PPP2CA: variants seen among roughly 807,000 people sequenced by gnomAD.
PPP2CA encodes the protein protein phosphatase 2 catalytic subunit alpha.
PPP2CA carries 5 observed loss-of-function variants against 38.8 expected under a neutral mutation model. The ratio of observed to expected loss-of-function variants is 0.13; its 90% CI spans 0.07 to 0.27. The LOEUF is 0.27. PPP2CA is among the 10% of genes least tolerant of loss of function. The pLI is 1.00. For synonymous variants in PPP2CA, 152 were observed against 134.0 expected (o/e 1.13, Z -0.93); for missense variants, 88 against 389.7 (o/e 0.23, Z 6.52).
chr5:134,214,704 G>T (rs959846317), intron 1 of PPP2CA, among the ~76,000 whole-genome samples: 1 of 152,154 alleles, frequency 6.6e-6, no homozygotes, highest in Non-Finnish European at 1.5e-5. Context: ...AGAGCTAGAT[G>T]ATGTTCTGAA....
intron 6 of PPP2CA, among the ~76,000 whole-genome samples, chr5:134,198,255 T>C (rs1761896379): frequency 6.6e-6 from 1 of 151,080 alleles, no homozygotes; most frequent in African/African-American, 2.4e-5. Flanking sequence ...TAGCCGGGCG[T>C]GGTGGCAGAC....
intron 1 of PPP2CA, among the ~76,000 whole-genome samples, chr5:134,222,216 T>C (rs1356422898): frequency 6.6e-6 from 1 of 152,118 alleles, no homozygotes. Flanking sequence ...CAATATCTTA[T>C]AAAAGTATGA....
chr5:134,195,240 T>C lies in PPP2CA; in HGVS notation c.*2532A>G, dbSNP rs527252937. ...TTTCAAAATTTCTGCAAGCCCTCAC[T>C]ATACAAACTCAGAATCCTCTTTATT... On this transcript the variant is annotated 3_prime_UTR_variant, in exon 7 of 7. Transcript: ENST00000481195. 2 of 152,332 alleles carry C rather than the reference T, an allele frequency of 1.3e-5. No homozygotes were observed. Among genetic ancestry groups the C allele is most frequent in the East Asian group, 3.9e-4 (2 of 5,190 alleles). The allele number at this position is 152,332 out of a possible 1,614,324, so 9.4% of individuals were successfully genotyped here.
At chr5:134,201,365 GAA>G (rs1198020207) in intron 3 of PPP2CA, among the ~76,000 whole-genome samples, 1 of 152,190 alleles carries the variant, frequency 6.6e-6, no homozygotes, top group African/African-American at 2.4e-5. Flanking sequence ...AGCCCACTCT[GAA>G]CTATTGAGTA....
chr5:134,197,765 AAT>A lies in PPP2CA; in HGVS notation c.*5_*6del, dbSNP rs761339885. On this transcript the variant is annotated 3_prime_UTR_variant, in exon 7 of 7. Transcript: ENST00000481195. ...TCATGGCAATACTGTACAAGTTTAA[AAT>A]TTCATTACAGGAAGTAGTCTGGGGT... is the stretch of plus-strand genomic sequence containing the variant. 246 of 1,612,022 alleles carry A rather than the reference AAT, an allele frequency of 1.5e-4. 1 individual carries two copies. The Middle Eastern group carries it at 3.5e-3, about 23-fold the overall frequency.
rs369077426 is a variant in PPP2CA at position 134,197,738 on chromosome 5, G to A, written c.*34C>T. On this transcript the variant is annotated 3_prime_UTR_variant, in exon 7 of 7. Transcript: ENST00000481195. ...CCCATTTCCATTAGGTCGATATATGGTTCATGGCAATACTGTACAAGTTTA... is the reference window on the plus strand; with the variant it reads ...CCCATTTCCATTAGGTCGATATATGATTCATGGCAATACTGTACAAGTTTA... The A allele has an allele frequency of 8.3e-5, 127 of 1,530,538 alleles. No homozygotes were observed. Among genetic ancestry groups the A allele is most frequent in the Admixed American group, 2.0e-4 (12 of 59,736 alleles). The allele number at this position is 1,530,538 out of a possible 1,614,324, so 94.8% of individuals were successfully genotyped here.
At chr5:134,209,944 G>A (rs755247627) in intron 1 of PPP2CA, among the ~76,000 whole-genome samples, 5 of 151,994 alleles carry the variant, frequency 3.3e-5, no homozygotes, top group Non-Finnish European at 5.9e-5. Flanking sequence ...CATCTGTGGT[G>A]GCACACACCT....
At position 134,195,882 on chromosome 5, in the gene PPP2CA, C is replaced by G. The variant is rs1290202243; in HGVS notation, c.*1890G>C. 2.0e-5 allele frequency: 3 copies of G among 152,144 alleles called. No homozygotes were observed. In the East Asian group the frequency reaches 5.8e-4, roughly 29 times the overall value. The allele number at this position is 152,144 out of a possible 1,614,324, so 9.4% of individuals were successfully genotyped here. On this transcript the variant is annotated 3_prime_UTR_variant, in exon 7 of 7. Coordinates refer to ENST00000481195, the MANE Select transcript of PPP2CA (RefSeq NM_002715.4). ...AGAATTTGTACCTGGAAGATACCAC[C>G]ACGTGTCAATTACAATATACGTATT...
intron 1 of PPP2CA, among the ~76,000 whole-genome samples, chr5:134,209,950 C>T (rs1461604408): frequency 6.6e-6 from 1 of 152,010 alleles, no homozygotes; most frequent in African/African-American, 2.4e-5. Context: ...TGGTGGCACA[C>T]ACCTGCAGTT....
intron 3 of PPP2CA, 140 bp downstream of exon 3, chr5:134,201,708 T>G (rs1761970222): frequency 2.1e-6 from 2 of 973,956 alleles, no homozygotes; most frequent in Non-Finnish European, 3.0e-6. Flanking sequence ...AAATTTTTTT[T>G]AAGTTTGAAT....
At chr5:134,200,930 C>T (rs1761956186) in intron 4 of PPP2CA, 55 bp downstream of exon 4, 2 of 1,390,082 alleles carry the variant, frequency 1.4e-6, no homozygotes, top group African/African-American at 1.4e-5. Context: ...TACAATTAAA[C>T]TTCTCCACTC....
intron 1 of PPP2CA, among the ~76,000 whole-genome samples, chr5:134,213,812 A>T (rs752287243): frequency 4.6e-5 from 7 of 152,126 alleles, no homozygotes; most frequent in Non-Finnish European, 1.0e-4. Context: ...GATTACAACC[A>T]TGTCACAATT....
chr5:134,205,213 T>C (rs917887802), intron 2 of PPP2CA, among the ~76,000 whole-genome samples: 3 of 151,850 alleles, frequency 2.0e-5, no homozygotes, highest in Middle Eastern at 3.2e-3. Context: ...GCTGGGATTA[T>C]AGCCACGAGC....
chr5:134,202,747 A>G (rs995776935), intron 2 of PPP2CA, among the ~76,000 whole-genome samples: 11 of 152,244 alleles, frequency 7.2e-5, no homozygotes, highest in African/African-American at 2.7e-4. Context: ...GAAGATTCCT[A>G]AGAATATAAT....
chr5:134,210,889 A>C (rs1361440369), intron 1 of PPP2CA, among the ~76,000 whole-genome samples: 3 of 152,224 alleles, frequency 2.0e-5, no homozygotes, highest in Non-Finnish European at 2.9e-5. Flanking sequence ...AAATTCAGTC[A>C]AATGGTATAG....
intron 1 of PPP2CA, among the ~76,000 whole-genome samples, chr5:134,216,943 T>C (rs1247850441): frequency 1.3e-5 from 2 of 152,210 alleles, no homozygotes; most frequent in African/African-American, 4.8e-5. Flanking sequence ...AATAGTACTA[T>C]TTGACAAAGG....
At position 134,194,766 on chromosome 5, in the gene PPP2CA, C is replaced by T. The variant is rs1761810261; in HGVS notation, c.*3006G>A. On this transcript the variant is annotated 3_prime_UTR_variant, in exon 7 of 7. Coordinates refer to ENST00000481195, the MANE Select transcript of PPP2CA (RefSeq NM_002715.4). ...CTGGGATTACAGGCTCCTGCCACCA[C>T]ACCGGTCAGTTTTGTATTTTTAATA... 1.3e-5 allele frequency: 2 copies of T among 152,312 alleles called. No homozygotes were observed. The highest frequency in any genetic ancestry group is 2.1e-4 in the South Asian group (1 of 4,836). 9.4% of individuals were successfully genotyped at this position (152,312 alleles called of 1,614,324 possible). A position where few individuals can be genotyped will look rare whatever the true frequency, so the allele number is the denominator to read the frequency against.
intron 1 of PPP2CA, among the ~76,000 whole-genome samples, chr5:134,221,923 G>C (rs1368374320): frequency 6.7e-6 from 1 of 148,936 alleles, no homozygotes; most frequent in African/African-American, 2.5e-5. Context: ...AGCCGAGATT[G>C]CGCCACTGCA....
intron 1 of PPP2CA, among the ~76,000 whole-genome samples, chr5:134,223,436 T>A (rs1180657171): frequency 2.0e-5 from 3 of 152,226 alleles, no homozygotes; most frequent in Admixed American, 2.0e-4. Flanking sequence ...ATCCTGAAAG[T>A]TGAAATACTT....
Sources: allele counts gnomAD v4.1 joint callset (sites outside exome capture counted in the v4.1 genomes callset), GRCh38; gene constraint gnomAD v4.1.1; transcripts MANE v1.5; gene names NCBI Gene and HGNC (gene_info 2026-07-23, HGNC 2026-07-21).